Variants in GADL1 observed in about 807,000 individuals in gnomAD.
GADL1 encodes acidic amino acid decarboxylase GADL1.
GADL1 carries 71 observed loss-of-function variants against 69.5 expected under a neutral mutation model. The ratio of observed to expected loss-of-function variants is 1.02; its 90% CI spans 0.84 to 1.25. The LOEUF is 1.25. Ranked by LOEUF, GADL1 falls within the 50% of genes most tolerant of loss-of-function variation. The probability of loss-of-function intolerance (pLI) is 0.00; values close to 1 mark genes in which losing one functional copy is unlikely to be tolerated. For missense variants in GADL1, 737 were observed against 631.8 expected (o/e 1.17, Z -1.79); for synonymous variants, 254 against 214.4 (o/e 1.18, Z -1.62).
At chr3:30,869,355 G>A (rs533583181) in intron 1 of GADL1, among the ~76,000 whole-genome samples, 1 of 151,812 alleles carries the variant, frequency 6.6e-6, no homozygotes, top group South Asian at 2.1e-4. Flanking sequence ...AATGAGAGCG[G>A]GTAACTGTGA....
intron 14 of GADL1, among the ~76,000 whole-genome samples, chr3:30,741,852 G>A (rs375875048): frequency 1.3e-5 from 2 of 152,122 alleles, no homozygotes; most frequent in Non-Finnish European, 2.9e-5. Context: ...TCACCAGTGG[G>A]GTGCAGTGGA....
intron 1 of GADL1, among the ~76,000 whole-genome samples, chr3:30,866,994 G>T (rs946209540): frequency 1.3e-5 from 2 of 151,946 alleles, no homozygotes; most frequent in Non-Finnish European, 2.9e-5. Flanking sequence ...GCCCAGACAT[G>T]AGAAGAGCTG....
intron 3 of GADL1, among the ~76,000 whole-genome samples, chr3:30,855,447 A>G (rs904149650): frequency 2.6e-5 from 4 of 152,046 alleles, no homozygotes; most frequent in Non-Finnish European, 5.9e-5. Flanking sequence ...AGGCTATGGC[A>G]CTGAGCAGCC....
intron 12 of GADL1, among the ~76,000 whole-genome samples, chr3:30,797,195 C>T (rs139549675): frequency 1.1e-3 from 160 of 152,216 alleles, no homozygotes; most frequent in African/African-American, 3.6e-3. Context: ...ATATGAAAGA[C>T]GTGGCGAGTA....
At chr3:30,760,126 T>C (rs1696093087) in intron 14 of GADL1, among the ~76,000 whole-genome samples, 1 of 152,204 alleles carries the variant, frequency 6.6e-6, no homozygotes, top group Non-Finnish European at 1.5e-5. Flanking sequence ...GAAATAATTC[T>C]TTCAAAGAAA....
Position 30,816,633 on chromosome 3 carries a change from C to A in GADL1, c.1051-15545G>T, listed in dbSNP as rs562885490. On this transcript the variant is annotated intron_variant, in intron 11 of 14. Coordinates refer to ENST00000282538, the MANE Select transcript of GADL1 (RefSeq NM_207359.3). ...CTATCTTGGCTCACTGCAACCTCCG[C>A]CTCCCAGTTTCAAGCAATTCTCCTG... 2.8e-5 allele frequency among the ~76,000 whole-genome samples: 4 copies of A among 145,032 alleles called. No individual in the cohort carries two copies. The East Asian group carries it at 8.6e-4, about 31-fold the overall frequency.
intron 11 of GADL1, among the ~76,000 whole-genome samples, chr3:30,822,983 A>G (rs1697615707): frequency 6.6e-6 from 1 of 152,044 alleles, no homozygotes; most frequent in African/African-American, 2.4e-5. Context: ...AACAGCTGCT[A>G]ATTATTAAAA....
At chr3:30,886,164 C>T (rs1698706527) in intron 1 of GADL1, among the ~76,000 whole-genome samples, 1 of 152,126 alleles carries the variant, frequency 6.6e-6, no homozygotes, top group South Asian at 2.1e-4. Context: ...TTTTACCAAT[C>T]ATTATAATGG....
At chr3:30,768,874 C>G (rs1696350367) in intron 14 of GADL1, among the ~76,000 whole-genome samples, 1 of 152,108 alleles carries the variant, frequency 6.6e-6, no homozygotes, top group Non-Finnish European at 1.5e-5. Flanking sequence ...GTGTCATTTT[C>G]CAGCTGTGAA....
intron 14 of GADL1, among the ~76,000 whole-genome samples, chr3:30,768,571 AG>A (rs1201011450): frequency 2.2e-5 from 2 of 90,758 alleles, no homozygotes; most frequent in East Asian, 6.7e-4. Context: ...AGGGGTGGGG[AG>A]GGGGAGGAGA....
At chr3:30,843,456 C>T (rs563731690) in intron 8 of GADL1, among the ~76,000 whole-genome samples, 1 of 152,160 alleles carries the variant, frequency 6.6e-6, no homozygotes, top group African/African-American at 2.4e-5. Context: ...CGGGGTTTCA[C>T]TGTATTAGCC....
At chr3:30,877,247 A>G (rs1366130978) in intron 1 of GADL1, among the ~76,000 whole-genome samples, 2 of 151,910 alleles carry the variant, frequency 1.3e-5, no homozygotes, top group Admixed American at 1.3e-4. Flanking sequence ...CCATGAATCT[A>G]TGCAGCCTCT....
intron 5 of GADL1, 147 bp downstream of exon 5, chr3:30,850,688 G>A: frequency 1.7e-6 from 1 of 599,418 alleles, no homozygotes; most frequent in Non-Finnish European, 3.0e-6. Flanking sequence ...TATCACTCTG[G>A]AGAAAGGCAT....
chr3:30,785,816 C>T (rs897237690), intron 13 of GADL1, among the ~76,000 whole-genome samples: 1 of 142,932 alleles, frequency 7.0e-6, no homozygotes, highest in African/African-American at 3.0e-5. Context: ...ACCAGAATTA[C>T]ACATTAAATA....
At chr3:30,866,388 G>C (rs889924377) in intron 1 of GADL1, among the ~76,000 whole-genome samples, 2 of 152,060 alleles carry the variant, frequency 1.3e-5, no homozygotes, top group Non-Finnish European at 2.9e-5. Context: ...GAACCTGGGA[G>C]GAGAAGGTTG....
chr3:30,847,206 T>G (rs1013040866), intron 6 of GADL1, among the ~76,000 whole-genome samples: 2 of 152,196 alleles, frequency 1.3e-5, no homozygotes, highest in African/African-American at 4.8e-5. Flanking sequence ...AGAGGCAACC[T>G]TGGATATATT....
In GADL1 at chr3:30,870,029, C is replaced by T. The variant is rs375991899; in HGVS notation, c.38-8264G>A. On this transcript the variant is annotated intron_variant, in intron 1 of 14. Transcript: ENST00000282538. ...TGAGGTGGCATTTGAGACAGACCTCCATTCATCCAATCAGCAAATACTTAT... is the reference window on the plus strand; with the variant it reads ...TGAGGTGGCATTTGAGACAGACCTCTATTCATCCAATCAGCAAATACTTAT... Among the ~76,000 whole-genome samples the T allele has an allele frequency of 8.6e-5, 13 of 151,810 alleles. No individual in the cohort carries two copies. In the East Asian group the frequency reaches 1.4e-3, roughly 16 times the overall value.
intron 9 of GADL1, among the ~76,000 whole-genome samples, 195 bp from the exon 10 acceptor site, chr3:30,834,476 G>A (rs1368118429): frequency 6.6e-6 from 1 of 152,008 alleles, no homozygotes; most frequent in Non-Finnish European, 1.5e-5. Flanking sequence ...CACAATAGAT[G>A]GGCCCTCACT....
intron 1 of GADL1, among the ~76,000 whole-genome samples, chr3:30,864,334 GTTTCTC>G (rs1421470881): frequency 1.3e-5 from 2 of 151,346 alleles, no homozygotes; most frequent in African/African-American, 2.4e-5. Flanking sequence ...TGCTCATTAT[GTTTCTC>G]TTTCTCTTTC....
Sources: allele counts gnomAD v4.1 joint callset (sites outside exome capture counted in the v4.1 genomes callset), GRCh38; gene constraint gnomAD v4.1.1; transcripts MANE v1.5; gene names NCBI Gene and HGNC (gene_info 2026-07-23, HGNC 2026-07-21).